The following CLDN10 variants were observed in gnomAD, a reference collection of about 807,000 sequenced individuals.
CLDN10 encodes claudin 10.
In CLDN10, 15 loss-of-function variants were observed where a neutral mutation model predicts 22.9. The observed-to-expected ratio is 0.65, with a 90% confidence interval of 0.44 to 1.01. The LOEUF is 1.01. Ranked by LOEUF, CLDN10 falls within the 50% of genes least tolerant of loss-of-function variation. The pLI is 0.00. For synonymous variants in CLDN10, 114 were observed against 111.4 expected (o/e 1.02, Z -0.15); for missense variants, 247 against 287.8 (o/e 0.86, Z 1.03).
chr13:95,561,700 C>A (rs913195670), intron 3 of CLDN10, among the ~76,000 whole-genome samples: 9 of 151,712 alleles, frequency 5.9e-5, no homozygotes, highest in Non-Finnish European at 1.2e-4. Flanking sequence ...TCTAATATTC[C>A]ACTATTTTGT....
chr13:95,500,158 A>G (rs1313771401), intron 1 of CLDN10, among the ~76,000 whole-genome samples: 1 of 151,828 alleles, frequency 6.6e-6, no homozygotes, highest in African/African-American at 2.4e-5. Context: ...ATATCCTCGA[A>G]TAAAGCCCAA....
chr13:95,545,567 T>C (rs950884541), intron 1 of CLDN10, among the ~76,000 whole-genome samples: 2 of 152,168 alleles, frequency 1.3e-5, no homozygotes, highest in Non-Finnish European at 2.9e-5. Context: ...GTAGTCACTT[T>C]TGGGTCCCAG....
chr13:95,529,100 G>A (rs552636466), intron 1 of CLDN10, among the ~76,000 whole-genome samples: 29 of 152,062 alleles, frequency 1.9e-4, no homozygotes, highest in Non-Finnish European at 3.2e-4. Context: ...TGCTGCCCAT[G>A]TCTAGTATTT....
intron 1 of CLDN10, among the ~76,000 whole-genome samples, chr13:95,480,385 C>T (rs1374090134): frequency 6.6e-6 from 1 of 152,204 alleles, no homozygotes; most frequent in African/African-American, 2.4e-5. Context: ...AATGCCCTTG[C>T]CCAATCCTGG....
chr13:95,478,349 T>C (rs772006640), intron 1 of CLDN10, among the ~76,000 whole-genome samples: 14 of 152,150 alleles, frequency 9.2e-5, no homozygotes, highest in South Asian at 2.1e-4. Flanking sequence ...TAAAAAGCAC[T>C]GATCCCTGCT....
chr13:95,526,341 G>A lies in CLDN10; in HGVS notation c.215-33791G>A, dbSNP rs570841972. Among the ~76,000 whole-genome samples, 7 of 152,218 alleles carry A rather than the reference G, an allele frequency of 4.6e-5. No homozygotes were observed. In the South Asian group the frequency reaches 8.3e-4, roughly 18 times the overall value. ...TCTGCCAGTCAGTTCTTCAGCATGGGAATTTAAGAATTCATTAGAAGCTCT... is the reference window on the plus strand; with the variant it reads ...TCTGCCAGTCAGTTCTTCAGCATGGAAATTTAAGAATTCATTAGAAGCTCT... On this transcript the variant is annotated intron_variant, in intron 1 of 4. Transcript: ENST00000376873.
intron 3 of CLDN10, among the ~76,000 whole-genome samples, chr13:95,571,715 T>C (rs897101268): frequency 6.6e-6 from 1 of 152,192 alleles, no homozygotes; most frequent in Non-Finnish European, 1.5e-5. Context: ...TCTTAGATTA[T>C]AGATTATATT....
chr13:95,455,132 G>C (rs75607197), intron 1 of CLDN10, among the ~76,000 whole-genome samples: 13,688 of 151,068 alleles, frequency 0.091, 882 homozygotes, highest in South Asian at 0.22. Context: ...AGCCATGATC[G>C]CACCACTGGG....
At chr13:95,439,578 C>T (rs1022061035) in intron 1 of CLDN10, among the ~76,000 whole-genome samples, 2 of 152,094 alleles carry the variant, frequency 1.3e-5, no homozygotes, top group African/African-American at 4.8e-5. Context: ...AAGTGATCTG[C>T]CTGCCTCAGC....
At chr13:95,479,749 A>G (rs1199889140) in intron 1 of CLDN10, 2 of 152,384 alleles carry the variant, frequency 1.3e-5, no homozygotes, top group East Asian at 3.9e-4. Flanking sequence ...AACTTGATCA[A>G]GGTCACATAG....
intron 1 of CLDN10, among the ~76,000 whole-genome samples, chr13:95,525,992 C>T (rs1483820691): frequency 6.6e-6 from 1 of 152,002 alleles, no homozygotes; most frequent in Non-Finnish European, 1.5e-5. Flanking sequence ...TTCTATATTC[C>T]TTGTCTTTCT....
intron 1 of CLDN10, among the ~76,000 whole-genome samples, chr13:95,510,682 T>C (rs1279919402): frequency 6.6e-6 from 1 of 152,096 alleles, no homozygotes; most frequent in Admixed American, 6.5e-5. Flanking sequence ...CATAATTATA[T>C]AAAATATGTA....
At chr13:95,543,393 A>G (rs545970969) in intron 1 of CLDN10, among the ~76,000 whole-genome samples, 1 of 152,150 alleles carries the variant, frequency 6.6e-6, no homozygotes, top group African/African-American at 2.4e-5. Context: ...GATTTTCCCT[A>G]AGCCAGTGAA....
chr13:95,488,272 G>A (rs1234888393), intron 1 of CLDN10, among the ~76,000 whole-genome samples: 1 of 150,126 alleles, frequency 6.7e-6, no homozygotes, highest in African/African-American at 2.4e-5. Context: ...AGATGCAATT[G>A]GTGGAAGTAT....
chr13:95,560,208 T>C lies in CLDN10; in HGVS notation c.297T>C (p.Phe99=), dbSNP rs2043689253. 20 of 1,614,202 alleles carry C rather than the reference T, an allele frequency of 1.2e-5. No individual in the cohort carries two copies. Among genetic ancestry groups the C allele is most frequent in the Non-Finnish European group, 1.7e-5 (20 of 1,180,016 alleles). The part of the protein sequence containing the change: ...LGFFGSIFAL[F]GMKCTKVGGS... ...TCTTTGGTTCCATATTTGCGCTCTT[T>C]GGAATGAAGTGTACCAAAGTCGGAG... is the stretch of plus-strand genomic sequence containing the variant. Residue 99 remains phenylalanine (F), a synonymous_variant, in exon 2 of 5, where the codon TTT becomes TTC. Transcript: ENST00000299339.
intron 1 of CLDN10, among the ~76,000 whole-genome samples, chr13:95,521,042 A>T (rs1459434696): frequency 2.0e-5 from 3 of 152,024 alleles, no homozygotes; most frequent in African/African-American, 7.2e-5. Context: ...TGGATTTAGC[A>T]AACTTGCTAA....
chr13:95,486,994 C>CTA (rs1284417350), intron 1 of CLDN10, among the ~76,000 whole-genome samples: 1 of 152,188 alleles, frequency 6.6e-6, no homozygotes, highest in African/African-American at 2.4e-5. Flanking sequence ...TGTCGCTGTG[C>CTA]TATCGTCTTT....
At chr13:95,569,213 A>AC (rs55873198) in intron 3 of CLDN10, among the ~76,000 whole-genome samples, 40,059 of 152,004 alleles carry the variant, frequency 0.26, 6,295 homozygotes, top group Non-Finnish European at 0.35. Context: ...AATGTTGGAG[A>AC]CCTAGTAGAA....
intron 1 of CLDN10, among the ~76,000 whole-genome samples, chr13:95,492,563 G>A (rs1300152007): frequency 6.6e-6 from 1 of 152,088 alleles, no homozygotes; most frequent in Non-Finnish European, 1.5e-5. Context: ...GGTGAGATGG[G>A]CTTGAAAACT....
Sources: allele counts gnomAD v4.1 joint callset (sites outside exome capture counted in the v4.1 genomes callset), GRCh38; gene constraint gnomAD v4.1.1; transcripts MANE v1.5; gene names NCBI Gene and HGNC (gene_info 2026-07-23, HGNC 2026-07-21).